TNFRSF8: variants seen among roughly 807,000 people sequenced by gnomAD.
TNFRSF8 encodes tumor necrosis factor receptor superfamily member 8.
Under a neutral mutation model 70.8 loss-of-function variants are expected in TNFRSF8, and 26 were observed. The ratio of observed to expected loss-of-function variants is 0.37; its 90% confidence interval spans 0.27 to 0.51. The LOEUF is 0.51. Among genes scored for constraint, TNFRSF8 ranks in the 20% least tolerant of loss-of-function variants. The pLI, the probability that TNFRSF8 is intolerant of heterozygous loss-of-function variation, is 0.94. For synonymous variants in TNFRSF8, 356 were observed against 339.2 expected, an observed-to-expected ratio of 1.05 and a Z score of -0.54; for missense variants, 720 against 807.9, an observed-to-expected ratio of 0.89 and a Z score of 1.32.
intron 1 of TNFRSF8, among the ~76,000 whole-genome samples, chr1:12,070,933 C>A (rs952595315): frequency 6.6e-6 from 1 of 152,088 alleles, no homozygotes; most frequent in East Asian, 1.9e-4. Flanking sequence ...CTGGTGCCAC[C>A]TGGGCCAAAG....
intron 3 of TNFRSF8, among the ~76,000 whole-genome samples, chr1:12,097,699 A>G (rs1200113428): frequency 6.6e-6 from 1 of 151,528 alleles, no homozygotes; most frequent in Non-Finnish European, 1.5e-5. Context: ...TTATGGTTAG[A>G]GAATGCAGTC....
chr1:12,104,645 A>G, intron 4 of TNFRSF8, 114 bp downstream of exon 4: 1 of 1,310,626 alleles, frequency 7.6e-7, no homozygotes, highest in Non-Finnish European at 1.1e-6. Flanking sequence ...AGACTGTTGG[A>G]CAGATCATGT....
intron 10 of TNFRSF8, 92 bp downstream of exon 10, chr1:12,123,919 T>C (rs1458805947): frequency 7.0e-6 from 8 of 1,146,056 alleles, no homozygotes; most frequent in Non-Finnish European, 1.0e-5. Flanking sequence ...GCTTCTCCTT[T>C]GTGGGTATGG....
intron 4 of TNFRSF8, among the ~76,000 whole-genome samples, chr1:12,106,108 A>G (rs1641519566): frequency 6.6e-6 from 1 of 151,910 alleles, no homozygotes; most frequent in Non-Finnish European, 1.5e-5. Context: ...GGATGAGGGG[A>G]AAACGTGTCT....
At chr1:12,107,432 T>TA (rs1210206519) in intron 4 of TNFRSF8, among the ~76,000 whole-genome samples, 3 of 152,058 alleles carry the variant, frequency 2.0e-5, no homozygotes, top group East Asian at 1.9e-4. Context: ...AAAATGCAGA[T>TA]ACGTCTGCAT....
intron 1 of TNFRSF8, among the ~76,000 whole-genome samples, chr1:12,079,551 C>T (rs912408642): frequency 2.6e-5 from 4 of 152,202 alleles, no homozygotes; most frequent in African/African-American, 9.7e-5. Flanking sequence ...CTCCGGGCAG[C>T]GGCAGACGCC....
intron 13 of TNFRSF8, 51 bp downstream of exon 13, chr1:12,135,664 C>T (rs757797007): frequency 1.2e-6 from 2 of 1,608,632 alleles, no homozygotes; most frequent in Non-Finnish European, 1.7e-6. Flanking sequence ...CTAAATCTGA[C>T]TCCTTCCCTA....
At chr1:12,124,829 C>CAAACAAAACAAAACA (rs201195847) in intron 10 of TNFRSF8, among the ~76,000 whole-genome samples, 2,685 of 146,008 alleles carry the variant, frequency 0.018, 44 homozygotes, top group Non-Finnish European at 0.024. Flanking sequence ...GAATCAGTCT[C>CAAACAAAACAAAACA]AAACAAAACA....
chr1:12,108,341 G>C lies in TNFRSF8; in HGVS notation c.422-1225G>C, dbSNP rs549203062. ...GATCCGCCCACCTCGGCCTCCCAAA[G>C]TGTTGGGATTACAGGTGTGAGCCAC... is the stretch of plus-strand genomic sequence containing the variant. On this transcript the variant is annotated intron_variant, in intron 4 of 14. Transcript: ENST00000263932. This position sits in a 1 kb window ranked among gnomAD's most constrained non-coding sequence, Gnocchi z 4.0. Among the ~76,000 whole-genome samples, 3 of 151,874 alleles carry C rather than the reference G, an allele frequency of 2.0e-5. No homozygotes were observed. The highest frequency in any genetic ancestry group is 2.0e-4 in the Admixed American group (3 of 15,236).
chr1:12,109,895 T>C lies in TNFRSF8; in HGVS notation c.513-146T>C. 8 of 1,062,102 alleles carry C rather than the reference T, an allele frequency of 7.5e-6. No individual in the cohort carries two copies. Among genetic ancestry groups the C allele is most frequent in the Non-Finnish European group, 2.7e-6 (2 of 731,814 alleles). The allele number at this position is 1,062,102 out of a possible 1,614,324, so 65.8% of individuals were successfully genotyped here. A position where few individuals can be genotyped will look rare whatever the true frequency, so the allele number is the denominator to read the frequency against. ...CACAGGGCTTAGAAAACACAGGCCTTGCTCCCAGGAGCTTACAGTGGGCCC... is the reference window on the plus strand; with the variant it reads ...CACAGGGCTTAGAAAACACAGGCCTCGCTCCCAGGAGCTTACAGTGGGCCC... On this transcript the variant is annotated intron_variant, in intron 5 of 14. Coordinates refer to ENST00000263932, the MANE Select transcript of TNFRSF8 (RefSeq NM_001243.5). The surrounding 1 kb of genome is among the most constrained non-coding windows in gnomAD (Gnocchi z 4.4).
chr1:12,072,932 G>A lies in TNFRSF8; in HGVS notation c.63+9271G>A, dbSNP rs777752844. On this transcript the variant is annotated intron_variant, in intron 1 of 14. Transcript: ENST00000263932. ...CCAAGAGTTTCCTCTCTCTCCAAAC[G>A]GTCTGGGGGGCATGTGCCCTGCCCC... is the stretch of plus-strand genomic sequence containing the variant. Among the ~76,000 whole-genome samples the A allele has an allele frequency of 1.3e-5, 2 of 152,180 alleles. 1 individual carries two copies.
At chr1:12,078,429 T>C (rs1641004752) in intron 1 of TNFRSF8, among the ~76,000 whole-genome samples, 1 of 152,036 alleles carries the variant, frequency 6.6e-6, no homozygotes, top group Non-Finnish European at 1.5e-5. Context: ...CCAGGTGTGG[T>C]GCCAAGCGCC....
Position 12,084,537 on chromosome 1 carries a change from ACCGCTG to A in TNFRSF8, c.140_145del (p.Arg47_Cys48del). ...GACAAGGCTGTCAGGAGGTGCTGTT[ACCGCTG>A]CCCCATGGGTGAGTGGGGGCGTTGG... On this transcript the variant is annotated inframe_deletion, in exon 2 of 15. Transcript: ENST00000263932. The A allele has an allele frequency of 6.2e-7, 1 of 1,600,406 alleles. No homozygotes were observed. Among genetic ancestry groups the A allele is most frequent in the Non-Finnish European group, 8.5e-7 (1 of 1,171,976 alleles).
chr1:12,107,610 TG>T (rs1368417129), intron 4 of TNFRSF8, among the ~76,000 whole-genome samples: 1 of 152,206 alleles, frequency 6.6e-6, no homozygotes, highest in Non-Finnish European at 1.5e-5. Context: ...CCTTTTAAAG[TG>T]TGGCTCCCAG....
chr1:12,135,471 C>T, intron 12 of TNFRSF8, 117 bp from the exon 13 acceptor site: 1 of 1,414,928 alleles, frequency 7.1e-7, no homozygotes, highest in Non-Finnish European at 9.7e-7. Flanking sequence ...GGACCTGACC[C>T]CTGGGCTGAG....
At chr1:12,116,163 A>T (rs1486668693) in intron 8 of TNFRSF8, among the ~76,000 whole-genome samples, 1 of 151,900 alleles carries the variant, frequency 6.6e-6, no homozygotes, top group Admixed American at 6.6e-5. Context: ...GTATTTTTAG[A>T]AGAGATGCGG....
chr1:12,100,609 T>C (rs1641405480), intron 3 of TNFRSF8, among the ~76,000 whole-genome samples: 1 of 149,684 alleles, frequency 6.7e-6, no homozygotes, highest in South Asian at 2.1e-4. Context: ...ACCTACATTA[T>C]CCGAGGCCTA....
intron 13 of TNFRSF8, among the ~76,000 whole-genome samples, chr1:12,137,061 C>T (rs563154712): frequency 3.3e-5 from 5 of 152,072 alleles, no homozygotes; most frequent in Non-Finnish European, 7.4e-5. Flanking sequence ...GTTTGTGTCC[C>T]TGGGTACTTG....
intron 10 of TNFRSF8, 126 bp downstream of exon 10, chr1:12,123,953 A>C: frequency 1.3e-6 from 1 of 774,820 alleles, no homozygotes; most frequent in Non-Finnish European, 2.0e-6. Flanking sequence ...ATTAAGGTTG[A>C]CCCCAGGTTT....
Sources: gnomAD v4.1 joint callset for allele counts (sites outside exome capture counted in the v4.1 genomes callset) on GRCh38, gnomAD v4.1.1 for gene constraint, Gnocchi (gnomAD v3.1) non-coding constraint, MANE v1.5 for transcripts, NCBI Gene and HGNC (gene_info 2026-07-23, HGNC 2026-07-21) for gene names.